The following ANKS6 variants were observed in gnomAD, a reference collection of about 807,000 sequenced individuals.
The protein encoded by ANKS6 is ankyrin repeat and sterile alpha motif domain containing 6, also known as ankyrin repeat and SAM domain-containing protein 6.
A neutral mutation model predicts 77.9 loss-of-function variants in ANKS6; 47 were observed. The ratio of observed to expected loss-of-function variants is 0.60; its 90% CI spans 0.48 to 0.77. The LOEUF is 0.77. ANKS6 is among the 30% of genes least tolerant of loss of function. The pLI, the probability that ANKS6 is intolerant of heterozygous loss-of-function variation, is 0.00. For missense variants in ANKS6, 1,150 were observed against 1,159.1 expected (o/e 0.99, Z 0.11); for synonymous variants, 488 against 501.7 (o/e 0.97, Z 0.37).
At chr9:98,750,543 G>A (rs1832370801) in intron 13 of ANKS6, among the ~76,000 whole-genome samples, 1 of 152,186 alleles carries the variant, frequency 6.6e-6, no homozygotes, top group Non-Finnish European at 1.5e-5. Flanking sequence ...CCTAGGAGTA[G>A]GACTGCTGGG....
chr9:98,778,321 G>T lies in ANKS6; in HGVS notation c.1472C>A (p.Pro491His). 2 of 1,614,226 alleles carry T rather than the reference G, an allele frequency of 1.2e-6. No individual in the cohort carries two copies. The highest frequency in any genetic ancestry group is 1.7e-6 in the Non-Finnish European group (2 of 1,180,048). Residue 491 changes from proline (P) to histidine (H), a missense_variant, in exon 7 of 15, where the codon CCT (proline) becomes CAT (histidine). By Grantham distance (77) the Pro-to-His change is moderately conservative. Coordinates refer to ENST00000353234, the MANE Select transcript of ANKS6 (RefSeq NM_173551.5). ...SNQPLPFSDE[P>H]EPALDSTMRA... Reference sequence around the variant, plus strand: ...CATTGTGGAGTCCAGAGCTGGCTCAGGCTCGTCAGAGAAAGGCAAAGGCTG... The same window carrying T: ...CATTGTGGAGTCCAGAGCTGGCTCATGCTCGTCAGAGAAAGGCAAAGGCTG...
intron 10 of ANKS6, among the ~76,000 whole-genome samples, chr9:98,768,938 C>A (rs565532437): frequency 8.6e-5 from 13 of 152,028 alleles, no homozygotes; most frequent in Non-Finnish European, 1.6e-4. Flanking sequence ...CCAGCCTGGC[C>A]AACATGGTGA....
At chr9:98,786,637 C>T (rs1834587391) in intron 2 of ANKS6, among the ~76,000 whole-genome samples, 1 of 152,184 alleles carries the variant, frequency 6.6e-6, no homozygotes, top group South Asian at 2.1e-4. Context: ...CCATGGGACA[C>T]AGTATATCAA....
chr9:98,736,313 T>C lies in ANKS6; in HGVS notation c.*206A>G, dbSNP rs1831497963. The C allele has an allele frequency of 2.8e-6, 4 of 1,408,750 alleles. No homozygotes were observed. The African/African-American group carries it at 4.3e-5, about 15-fold the overall frequency. 87.3% of individuals were successfully genotyped at this position (1,408,750 alleles called of 1,614,324 possible). A position where few individuals can be genotyped will look rare whatever the true frequency, so the allele number is the denominator to read the frequency against. On this transcript the variant is annotated 3_prime_UTR_variant, in exon 15 of 15. Transcript: ENST00000353234. ...AGCAGAAGCACCCCCACTGGACTGT[T>C]ACATGGGAATCTGTCTCTGTGTGTT...
chr9:98,753,432 T>C (rs142265074), intron 12 of ANKS6, among the ~76,000 whole-genome samples: 6 of 152,324 alleles, frequency 3.9e-5, no homozygotes, highest in Non-Finnish European at 8.8e-5. Context: ...CGGTTACAGA[T>C]ACAACCTACT....
At chr9:98,780,074 A>G in intron 6 of ANKS6, 115 bp downstream of exon 6, 2 of 1,413,634 alleles carry the variant, frequency 1.4e-6, no homozygotes, top group Non-Finnish European at 1.9e-6. Context: ...CTCACCTGCC[A>G]CCCCTGCAGG....
intron 13 of ANKS6, 110 bp downstream of exon 13, chr9:98,750,919 G>A (rs376952231): frequency 2.5e-6 from 2 of 804,872 alleles, no homozygotes; most frequent in Admixed American, 2.6e-5. Context: ...TTCCTCAACT[G>A]TCTCAGTGCA....
chr9:98,776,522 T>A (rs1833928119), intron 8 of ANKS6, among the ~76,000 whole-genome samples: 1 of 151,438 alleles, frequency 6.6e-6, no homozygotes, highest in East Asian at 2.0e-4. Context: ...TGCCTCAGCC[T>A]CCCGAGTATC....
At chr9:98,773,814 G>A in intron 9 of ANKS6, 63 bp downstream of exon 9, 3 of 1,378,934 alleles carry the variant, frequency 2.2e-6, no homozygotes, top group South Asian at 1.8e-5. Context: ...CCGCTGCCTG[G>A]AACACACCAT....
In ANKS6 at chr9:98,732,445, C is replaced by T. The variant is rs1831251021; in HGVS notation, c.*4074G>A. The T allele has an allele frequency of 6.6e-7, 1 of 1,524,526 alleles. No individual in the cohort carries two copies. The allele number at this position is 1,524,526 out of a possible 1,614,324, so 94.4% of individuals were successfully genotyped here. On this transcript the variant is annotated 3_prime_UTR_variant, in exon 15 of 15. Coordinates refer to ENST00000353234, the MANE Select transcript of ANKS6 (RefSeq NM_173551.5). ...AGTCAGGCACATTTGGAGGGCAGGT[C>T]CATCGGCCACTCCTCACTTCTGTGG...
chr9:98,790,388 G>A lies in ANKS6; in HGVS notation c.578C>T (p.Thr193Ile), dbSNP rs750745095. Residue 193 changes from threonine (T) to isoleucine (I), a missense_variant, in exon 2 of 15, where the codon ACA (threonine) becomes ATA (isoleucine). Thr to Ile is a moderately conservative substitution (Grantham distance 89). Transcript: ENST00000353234. ...GTGCTGGATGGCAGCCATCAGGGCTGTGATGTCCAAGGGCTCATCCCTGCT... is the reference window on the plus strand; with the variant it reads ...GTGCTGGATGGCAGCCATCAGGGCTATGATGTCCAAGGGCTCATCCCTGCT... Reference protein sequence around the residue: ...GGSRDEPLDITALMAAIQHGH... With the variant: ...GGSRDEPLDIIALMAAIQHGH... The A allele has an allele frequency of 2.5e-6, 4 of 1,613,778 alleles. No individual in the cohort carries two copies. The highest frequency in any genetic ancestry group is 3.4e-6 in the Non-Finnish European group (4 of 1,180,036).
intron 11 of ANKS6, among the ~76,000 whole-genome samples, chr9:98,762,977 C>T (rs1028492375): frequency 3.9e-5 from 6 of 152,012 alleles, no homozygotes; most frequent in African/African-American, 1.2e-4. Flanking sequence ...GTACACAGCT[C>T]GTGAGGCAAA....
intron 11 of ANKS6, among the ~76,000 whole-genome samples, chr9:98,765,145 A>G (rs1833200524): frequency 6.6e-6 from 1 of 152,178 alleles, no homozygotes; most frequent in Non-Finnish European, 1.5e-5. Flanking sequence ...TTCCATGAAG[A>G]CAGACAATCC....
At position 98,736,045 on chromosome 9, in the gene ANKS6, G is replaced by A. The variant is rs1315114635; in HGVS notation, c.*474C>T. On this transcript the variant is annotated 3_prime_UTR_variant, in exon 15 of 15. Transcript: ENST00000353234. Reference sequence around the variant, plus strand: ...GTTGTTGCTGGGAAGCCACTATGTGGAGACTGCACATCCTGGCCTCCTCTG... The same window carrying A: ...GTTGTTGCTGGGAAGCCACTATGTGAAGACTGCACATCCTGGCCTCCTCTG... 58 of 1,191,866 alleles carry A rather than the reference G, an allele frequency of 4.9e-5. No individual in the cohort carries two copies. The highest frequency in any genetic ancestry group is 5.9e-5 in the Non-Finnish European group (57 of 962,984). 73.8% of individuals were successfully genotyped at this position (1,191,866 alleles called of 1,614,324 possible).
intron 4 of ANKS6, chr9:98,783,732 T>G: frequency 2.5e-6 from 1 of 399,188 alleles, no homozygotes; most frequent in Non-Finnish European, 4.3e-6. Flanking sequence ...TTCAGGGCCA[T>G]TGTGAAATTC....
intron 13 of ANKS6, among the ~76,000 whole-genome samples, chr9:98,749,010 C>A (rs1832289645): frequency 6.6e-6 from 1 of 152,114 alleles, no homozygotes; most frequent in Admixed American, 6.5e-5. Flanking sequence ...AGAAGTACCC[C>A]TGAAGCTGTG....
At chr9:98,751,957 G>A (rs1164651603) in intron 12 of ANKS6, among the ~76,000 whole-genome samples, 1 of 152,150 alleles carries the variant, frequency 6.6e-6, no homozygotes, top group Non-Finnish European at 1.5e-5. Flanking sequence ...TGTGATGTGT[G>A]TGCCTGTAGT....
intron 2 of ANKS6, chr9:98,789,869 G>A (rs1049002667): frequency 5.1e-5 from 26 of 509,258 alleles, no homozygotes; most frequent in Middle Eastern, 1.1e-3. Context: ...CCTTGTTATA[G>A]AGGCTTCCAG....
In ANKS6 at chr9:98,740,833, T is replaced by C. The variant is rs373577694; in HGVS notation, c.2512-4210A>G. 3.4e-4 allele frequency among the ~76,000 whole-genome samples: 52 copies of C among 152,334 alleles called. 2 individuals are homozygous for C. In the South Asian group the frequency reaches 8.5e-3, roughly 25 times the overall value. On this transcript the variant is annotated intron_variant, in intron 14 of 14. Transcript: ENST00000353234. ...TAAATGTAGAAAAAAGGTTCAACTATCTAGCATCTCAAAAAATGCAAATTA... is the reference window on the plus strand; with the variant it reads ...TAAATGTAGAAAAAAGGTTCAACTACCTAGCATCTCAAAAAATGCAAATTA...
Sources: allele counts gnomAD v4.1 joint callset (sites outside exome capture counted in the v4.1 genomes callset), GRCh38; gene constraint gnomAD v4.1.1; transcripts MANE v1.5; gene names NCBI Gene and HGNC (gene_info 2026-07-23, HGNC 2026-07-21).